Variants in LUZP1 observed in about 807,000 individuals in gnomAD.
LUZP1 encodes leucine zipper protein 1, also known as filamin mechanobinding actin cross-linking protein.
LUZP1 carries 25 observed loss-of-function variants against 71.3 expected under a neutral mutation model. The ratio of observed to expected loss-of-function variants is 0.35; its 90% confidence interval spans 0.26 to 0.49. The LOEUF (loss-of-function observed/expected upper bound fraction) is 0.49. LUZP1 is among the 20% of genes least tolerant of loss of function. LUZP1 has a pLI of 0.99. For synonymous variants in LUZP1, 481 were observed against 506.4 expected (o/e 0.95, Z 0.67); for missense variants, 1,142 against 1,300.8 (o/e 0.88, Z 1.88).
At chr1:23,172,648 G>A (rs140659151) in intron 1 of LUZP1, among the ~76,000 whole-genome samples, 19 of 151,528 alleles carry the variant, frequency 1.3e-4, no homozygotes, top group African/African-American at 3.9e-4. Flanking sequence ...CCGAGTAGCC[G>A]GGATTACAGG....
chr1:23,152,969 T>G (rs1456701993), intron 2 of LUZP1, among the ~76,000 whole-genome samples: 1 of 152,320 alleles, frequency 6.6e-6, no homozygotes, highest in East Asian at 1.9e-4. Flanking sequence ...GCTAAATTCA[T>G]GCCTGCAGCA....
chr1:23,108,082 T>C (rs1643998217), intron 3 of LUZP1, among the ~76,000 whole-genome samples: 1 of 152,220 alleles, frequency 6.6e-6, no homozygotes, highest in African/African-American at 2.4e-5. Flanking sequence ...ACCAGGTCTC[T>C]TGGCCACTGA....
At chr1:23,111,714 C>T (rs1370567501) in intron 2 of LUZP1, among the ~76,000 whole-genome samples, 2 of 151,952 alleles carry the variant, frequency 1.3e-5, no homozygotes, top group African/African-American at 4.8e-5. Context: ...AGTTTTAGGA[C>T]AGTTCCACAG....
At chr1:23,145,951 A>G (rs1430246156) in intron 2 of LUZP1, among the ~76,000 whole-genome samples, 3 of 152,224 alleles carry the variant, frequency 2.0e-5, no homozygotes, top group Non-Finnish European at 4.4e-5. Context: ...ATATTACTAC[A>G]CATGGATTAA....
At chr1:23,147,661 CAGA>C (rs1000785834) in intron 2 of LUZP1, among the ~76,000 whole-genome samples, 20 of 150,736 alleles carry the variant, frequency 1.3e-4, no homozygotes, top group Middle Eastern at 3.4e-3. Flanking sequence ...ATACTCATCC[CAGA>C]ATAGTTGTTG....
intron 2 of LUZP1, among the ~76,000 whole-genome samples, chr1:23,115,627 G>A (rs373275881): frequency 3.3e-5 from 5 of 152,126 alleles, no homozygotes; most frequent in East Asian, 1.9e-4. Flanking sequence ...TGCAACCTCC[G>A]CCTCCCGGGT....
chr1:23,173,350 CTTTTTTTTT>C (rs869169060), intron 1 of LUZP1, among the ~76,000 whole-genome samples: 9 of 80,368 alleles, frequency 1.1e-4, no homozygotes, highest in African/African-American at 1.5e-4. Context: ...TTTGTTTTTT[CTTTTTTTTT>C]TTTTTTTTTT....
At chr1:23,096,569 C>A (rs191050634) in intron 3 of LUZP1, among the ~76,000 whole-genome samples, 5 of 151,666 alleles carry the variant, frequency 3.3e-5, no homozygotes, top group Non-Finnish European at 5.9e-5. Context: ...CGTAAGGATA[C>A]GGAAGAATGT....
chr1:23,110,665 C>CACACACACACACACA (rs1557647742), intron 2 of LUZP1, among the ~76,000 whole-genome samples: 56 of 151,920 alleles, frequency 3.7e-4, no homozygotes, highest in African/African-American at 1.3e-3. Context: ...CACACACACA[C>CACACACACACACACA]CCATCCCTGC....
At chr1:23,174,690 A>G (rs1212359442) in intron 1 of LUZP1, among the ~76,000 whole-genome samples, 3 of 152,176 alleles carry the variant, frequency 2.0e-5, no homozygotes, top group African/African-American at 7.2e-5. Flanking sequence ...GGCAATAAAG[A>G]TATACATAAA....
chr1:23,139,775 T>G (rs186470209), intron 2 of LUZP1, among the ~76,000 whole-genome samples: 2 of 152,138 alleles, frequency 1.3e-5, no homozygotes, highest in African/African-American at 4.8e-5. Context: ...TAGCAAGACC[T>G]CGTCTCTACA....
intron 2 of LUZP1, among the ~76,000 whole-genome samples, chr1:23,139,771 G>C (rs1276597701): frequency 7.2e-5 from 11 of 152,058 alleles, no homozygotes; most frequent in East Asian, 1.9e-4. Context: ...AACATAGCAA[G>C]ACCTCGTCTC....
At chr1:23,095,569 A>C (rs1018146588) in intron 3 of LUZP1, among the ~76,000 whole-genome samples, 1 of 152,292 alleles carries the variant, frequency 6.6e-6, no homozygotes, top group South Asian at 2.1e-4. Flanking sequence ...ATGCAGGTAT[A>C]AGAGGCAAGA....
chr1:23,138,607 T>C (rs1014429036), intron 2 of LUZP1, among the ~76,000 whole-genome samples: 2 of 152,008 alleles, frequency 1.3e-5, no homozygotes, highest in Non-Finnish European at 2.9e-5. Flanking sequence ...ATGTATTTTT[T>C]TTAAAGCACC....
At chr1:23,122,857 C>G (rs1644141189) in intron 2 of LUZP1, among the ~76,000 whole-genome samples, 1 of 152,244 alleles carries the variant, frequency 6.6e-6, no homozygotes, top group Non-Finnish European at 1.5e-5. Flanking sequence ...AAACTCCTTT[C>G]CTAACTCATG....
intron 2 of LUZP1, among the ~76,000 whole-genome samples, chr1:23,113,660 T>C (rs1030061445): frequency 6.6e-6 from 1 of 152,018 alleles, no homozygotes; most frequent in Non-Finnish European, 1.5e-5. Context: ...GGCAGGCGGA[T>C]CACGAGATCA....
exon 4 of LUZP1, chr1:23,092,024 G>A (rs768495639): frequency 6.8e-6 from 11 of 1,613,872 alleles, no homozygotes; most frequent in African/African-American, 1.3e-5. Flanking sequence ...ACGCCTCTCT[G>A]GGGCTAAAGG....
At chr1:23,177,382 CA>C in intron 1 of LUZP1, 1 of 152,838 alleles carries the variant, frequency 6.5e-6, no homozygotes, top group Non-Finnish European at 1.5e-5. Flanking sequence ...CCAAACACCC[CA>C]AAAACCTGGA....
intron 2 of LUZP1, among the ~76,000 whole-genome samples, chr1:23,156,248 C>A (rs1482130036): frequency 6.6e-6 from 1 of 152,112 alleles, no homozygotes; most frequent in East Asian, 1.9e-4. Flanking sequence ...GGCATGGTGG[C>A]ATGAGCCTGT....
Sources: gnomAD v4.1 joint callset for allele counts (sites outside exome capture counted in the v4.1 genomes callset) on GRCh38, gnomAD v4.1.1 for gene constraint, MANE v1.5 for transcripts, NCBI Gene and HGNC (gene_info 2026-07-23, HGNC 2026-07-21) for gene names.